Variants in CEP85L observed in about 807,000 individuals in gnomAD.
The protein encoded by CEP85L is centrosomal protein of 85 kDa-like.
A neutral mutation model predicts 100.3 loss-of-function variants in CEP85L; 60 were observed. The observed-to-expected ratio is 0.60, with a 90% CI of 0.49 to 0.74. The LOEUF (loss-of-function observed/expected upper bound fraction) is 0.74, where lower values mean the gene tolerates loss of function less well. Ranked by LOEUF, CEP85L falls within the 30% of genes least tolerant of loss-of-function variation. The pLI is 0.00. For missense variants in CEP85L, 973 were observed against 936.2 expected (o/e 1.04, Z -0.51); for synonymous variants, 319 against 322.7 (o/e 0.99, Z 0.12).
At chr6:118,625,082 G>A (rs560663476) in intron 2 of CEP85L, among the ~76,000 whole-genome samples, 19 of 152,168 alleles carry the variant, frequency 1.2e-4, no homozygotes, top group African/African-American at 2.4e-4. Context: ...AAACACCACC[G>A]GGATAATTGG....
Position 118,499,375 on chromosome 6 carries a change from A to G in CEP85L, c.1258-7510T>C, listed in dbSNP as rs190808745. Among the ~76,000 whole-genome samples the G allele has an allele frequency of 2.6e-5, 4 of 152,334 alleles. No individual in the cohort carries two copies. In the East Asian group the frequency reaches 7.7e-4, roughly 29 times the overall value. ...AAAATCTAACACCCATTCATGATTA[A>G]AAACTCTTGGCCAGGCACGGTGGCT... On this transcript the variant is annotated intron_variant, in intron 5 of 12. Coordinates refer to ENST00000368491, the MANE Select transcript of CEP85L (RefSeq NM_001042475.3).
intron 2 of CEP85L, among the ~76,000 whole-genome samples, chr6:118,606,785 A>T (rs1173891291): frequency 6.6e-6 from 1 of 152,208 alleles, no homozygotes; most frequent in Non-Finnish European, 1.5e-5. Context: ...ACCCCTCAAC[A>T]CAGAAAAACA....
chr6:118,489,620 C>A (rs534254084), intron 6 of CEP85L, among the ~76,000 whole-genome samples: 80 of 152,022 alleles, frequency 5.3e-4, no homozygotes, highest in Non-Finnish European at 1.0e-3. Context: ...GGCTGGCCAT[C>A]TTTTTTCTTG....
At chr6:118,507,290 C>T (rs1775712387) in intron 5 of CEP85L, among the ~76,000 whole-genome samples, 1 of 152,218 alleles carries the variant, frequency 6.6e-6, no homozygotes, top group African/African-American at 2.4e-5. Flanking sequence ...TTTACCATGG[C>T]TTGGTCATAC....
chr6:118,616,089 AAATATAAT>A (rs1220137029), intron 2 of CEP85L, among the ~76,000 whole-genome samples: 1 of 152,170 alleles, frequency 6.6e-6, no homozygotes, highest in Non-Finnish European at 1.5e-5. Flanking sequence ...AATGGATCAC[AAATATAAT>A]AATAAAATAT....
intron 2 of CEP85L, among the ~76,000 whole-genome samples, chr6:118,595,664 G>T (rs1232752028): frequency 1.3e-5 from 2 of 152,190 alleles, no homozygotes; most frequent in Admixed American, 1.3e-4. Context: ...TACATATAAT[G>T]CATGAAGTAT....
At chr6:118,514,657 T>C (rs1004170588) in intron 4 of CEP85L, among the ~76,000 whole-genome samples, 7 of 151,916 alleles carry the variant, frequency 4.6e-5, no homozygotes, top group African/African-American at 1.2e-4. Flanking sequence ...GGATAAAAAG[T>C]AGGACCTAAC....
chr6:118,600,300 G>GTGGGTGGGTGTGT (rs1554228039), intron 2 of CEP85L, among the ~76,000 whole-genome samples: 3 of 52,236 alleles, frequency 5.7e-5, no homozygotes, highest in African/African-American at 2.1e-4. Flanking sequence ...CCTTCCTGGG[G>GTGGGTGGGTGTGT]GTGTGTGTGT....
In CEP85L at chr6:118,483,726, C is replaced by CA; in HGVS notation, c.1569dup (p.Val524CysfsTer16). 6.2e-7 allele frequency: 1 copy of CA among 1,613,360 alleles called. No homozygotes were observed. The highest frequency in any genetic ancestry group is 1.7e-5 in the Admixed American group (1 of 59,968). On this transcript the variant is annotated frameshift_variant, in exon 7 of 13. Coordinates refer to ENST00000368491, the MANE Select transcript of CEP85L (RefSeq NM_001042475.3). LOFTEE classifies it high-confidence loss of function. ...GTTACCTGTAGACTCTGACTCTGTA[C>CA]ATCATCTAGAGTTGGAAGATCAGCC...
intron 3 of CEP85L, chr6:118,537,567 G>A: frequency 2.0e-6 from 2 of 985,216 alleles, no homozygotes; most frequent in Non-Finnish European, 2.4e-6. Flanking sequence ...ATTGAGTAAG[G>A]ATAGCAGGCA....
At chr6:118,486,241 T>C (rs1362464197) in intron 6 of CEP85L, among the ~76,000 whole-genome samples, 4 of 152,114 alleles carry the variant, frequency 2.6e-5, no homozygotes, top group Non-Finnish European at 5.9e-5. Context: ...CAAACAGAGG[T>C]TACTGAAGTC....
intron 1 of CEP85L, among the ~76,000 whole-genome samples, chr6:118,661,162 G>A (rs914515638): frequency 3.9e-5 from 6 of 152,226 alleles, no homozygotes; most frequent in African/African-American, 1.4e-4. Context: ...TGGGATTACA[G>A]GTGTGAGCCA....
chr6:118,701,959 T>C (rs1225765793), intron 1 of CEP85L, among the ~76,000 whole-genome samples: 1 of 152,198 alleles, frequency 6.6e-6, no homozygotes, highest in Non-Finnish European at 1.5e-5. Context: ...ATGGAACATC[T>C]ATTGAAGCTA....
chr6:118,567,914 G>A, intron 2 of CEP85L, among the ~76,000 whole-genome samples: 1 of 152,184 alleles, frequency 6.6e-6, no homozygotes, highest in East Asian at 1.9e-4. Context: ...ATTCAAGACT[G>A]CCTATCAGCT....
chr6:118,706,455 T>A (rs1429196550), intron 1 of CEP85L, among the ~76,000 whole-genome samples: 1 of 152,154 alleles, frequency 6.6e-6, no homozygotes, highest in East Asian at 1.9e-4. Context: ...ATTGGCAAGC[T>A]TTTTCTTTCT....
chr6:118,553,303 T>C (rs1457054028), intron 3 of CEP85L, among the ~76,000 whole-genome samples: 1 of 150,936 alleles, frequency 6.6e-6, no homozygotes, highest in Non-Finnish European at 1.5e-5. Context: ...CCATAAATTA[T>C]AATGTAGTAA....
At chr6:118,488,031 A>G (rs969488970) in intron 6 of CEP85L, among the ~76,000 whole-genome samples, 4 of 152,108 alleles carry the variant, frequency 2.6e-5, no homozygotes, top group African/African-American at 9.7e-5. Flanking sequence ...TTAAACTAGT[A>G]CAAAGATATG....
At chr6:118,587,753 T>C (rs1451891773) in intron 2 of CEP85L, among the ~76,000 whole-genome samples, 3 of 152,178 alleles carry the variant, frequency 2.0e-5, no homozygotes, top group Non-Finnish European at 4.4e-5. Context: ...ATATTACGTC[T>C]CTAATTTTTC....
chr6:118,592,182 C>A (rs192272014), intron 2 of CEP85L, among the ~76,000 whole-genome samples: 235 of 152,236 alleles, frequency 1.5e-3, no homozygotes, highest in African/African-American at 5.3e-3. Flanking sequence ...CAGGGCTTTT[C>A]TCCCTTTGGA....
Sources: gnomAD v4.1 joint callset for allele counts (sites outside exome capture counted in the v4.1 genomes callset) on GRCh38, gnomAD v4.1.1 for gene constraint, MANE v1.5 for transcripts, NCBI Gene and HGNC (gene_info 2026-07-23, HGNC 2026-07-21) for gene names.